IFT74: variants seen among roughly 807,000 people sequenced by gnomAD.
IFT74 encodes the protein intraflagellar transport 74, also known as intraflagellar transport protein 74 homolog.
A neutral mutation model predicts 96.7 loss-of-function variants in IFT74; 92 were observed. The ratio of observed to expected loss-of-function variants is 0.95; its 90% CI spans 0.80 to 1.13. The LOEUF (loss-of-function observed/expected upper bound fraction) is 1.13, where lower values mean the gene tolerates loss of function less well. IFT74 is among the 50% of genes most tolerant of loss of function. IFT74 has a pLI of 0.00. For synonymous variants in IFT74, 223 were observed against 213.2 expected (o/e 1.05, Z -0.40); for missense variants, 811 against 698.2 (o/e 1.16, Z -1.82).
intron 12 of IFT74, among the ~76,000 whole-genome samples, chr9:27,025,443 CAAAAAAAAAAAA>C (rs57335230): frequency 1.3e-5 from 1 of 77,722 alleles, no homozygotes; most frequent in African/African-American, 5.2e-5. Context: ...ACTCCATCTC[CAAAAAAAAAAAA>C]AAAAAAAAGA....
Position 26,990,118 on chromosome 9 carries a change from T to TGTTAAC in IFT74, c.526-15_526-10dup. 6.8e-7 allele frequency: 1 copy of TGTTAAC among 1,466,790 alleles called. No individual in the cohort carries two copies. Among genetic ancestry groups the TGTTAAC allele is most frequent in the East Asian group, 2.5e-5 (1 of 39,374 alleles). 90.9% of individuals were successfully genotyped at this position (1,466,790 alleles called of 1,614,324 possible). ...AATATTTATTTCTTACTAACTTATG[T>TGTTAAC]GTTAACTTTATTCAGCTTAAAGCTC... On this transcript the variant is annotated splice_polypyrimidine_tract_variant and intron_variant, in intron 7 of 19. Transcript: ENST00000380062.
intron 12 of IFT74, chr9:27,028,758 G>GA (rs536025708): frequency 0.034 from 6,037 of 179,176 alleles, 6 homozygotes; most frequent in Middle Eastern, 0.063. Flanking sequence ...CCGTCTCAAA[G>GA]AAAAAAAAAA....
chr9:27,045,591 G>A (rs1052111868), intron 14 of IFT74, among the ~76,000 whole-genome samples: 3 of 151,920 alleles, frequency 2.0e-5, no homozygotes, highest in Admixed American at 2.0e-4. Flanking sequence ...ATCTCAGCCT[G>A]ATTTTATAAA....
chr9:27,006,254 T>C (rs1375033883), intron 8 of IFT74, among the ~76,000 whole-genome samples: 1 of 152,200 alleles, frequency 6.6e-6, no homozygotes, highest in African/African-American at 2.4e-5. Flanking sequence ...AAAGATATAC[T>C]GTTGCTAAAT....
chr9:27,056,415 G>C lies in IFT74; in HGVS notation c.1579G>C (p.Glu527Gln). 6.2e-7 allele frequency: 1 copy of C among 1,601,938 alleles called. No individual in the cohort carries two copies. Among genetic ancestry groups the C allele is most frequent in the Non-Finnish European group, 8.5e-7 (1 of 1,174,808 alleles). Residue 527 changes from glutamate to glutamine, a missense_variant, in exon 18 of 20, where the codon GAG (glutamate) becomes CAG (glutamine). Coordinates refer to ENST00000380062, the MANE Select transcript of IFT74 (RefSeq NM_025103.4). ...AATGGAGAAGCAAAACATAGAGTAT[G>C]AGGCACTAAAAACACAATTGCAAGA... ...KIMEKQNIEY[E>Q]ALKTQLQENE...
chr9:26,995,768 A>C (rs140151163), intron 8 of IFT74: 138 of 1,613,762 alleles, frequency 8.6e-5, no homozygotes, highest in Non-Finnish European at 1.4e-5. Context: ...TTTGATAGCA[A>C]TAAAAATGAG....
chr9:26,961,551 T>G (rs1249036472), intron 1 of IFT74, among the ~76,000 whole-genome samples: 1 of 152,084 alleles, frequency 6.6e-6, no homozygotes, highest in East Asian at 1.9e-4. Flanking sequence ...CTGTTAAAGT[T>G]AAGAAAATAG....
At chr9:27,011,405 T>C (rs1346137426) in intron 9 of IFT74, among the ~76,000 whole-genome samples, 1 of 152,216 alleles carries the variant, frequency 6.6e-6, no homozygotes, top group Non-Finnish European at 1.5e-5. Flanking sequence ...TATGTGTACA[T>C]GTGAACCATA....
chr9:26,992,469 G>A (rs1280332750), intron 8 of IFT74, among the ~76,000 whole-genome samples: 3 of 152,072 alleles, frequency 2.0e-5, no homozygotes, highest in African/African-American at 7.2e-5. Flanking sequence ...GAAGTGGGTG[G>A]ATCACCTGAG....
chr9:26,962,339 G>GT (rs1338470130), intron 2 of IFT74, among the ~76,000 whole-genome samples: 1 of 152,096 alleles, frequency 6.6e-6, no homozygotes, highest in Non-Finnish European at 1.5e-5. Flanking sequence ...TGTTTGTTTT[G>GT]TTTTTTGGAA....
At chr9:26,963,944 C>G (rs1232636520) in intron 2 of IFT74, among the ~76,000 whole-genome samples, 1 of 151,932 alleles carries the variant, frequency 6.6e-6, no homozygotes, top group Non-Finnish European at 1.5e-5. Flanking sequence ...GTTTCTTTTG[C>G]TGTGCAGAAG....
rs1057260129 is a variant in IFT74, at chr9:26,947,902, C to A, written c.-20+756C>A. ...GAGCTGAGATACGTATTTTTAACAA[C>A]CCCGCCGCCCACCCACCCGTGGTGC... On this transcript the variant is annotated intron_variant, in intron 1 of 19. Coordinates refer to the IFT74 transcript ENST00000433700. Among the ~76,000 whole-genome samples, 6 of 152,110 alleles carry A rather than the reference C, an allele frequency of 3.9e-5. No individual in the cohort carries two copies. In the East Asian group the frequency reaches 9.7e-4, roughly 24 times the overall value.
At chr9:27,013,898 T>G (rs1030803854) in intron 10 of IFT74, among the ~76,000 whole-genome samples, 2 of 152,288 alleles carry the variant, frequency 1.3e-5, no homozygotes, top group South Asian at 4.1e-4. Flanking sequence ...AATTTGCTAT[T>G]GAAAAAGTTA....
chr9:27,036,790 T>C (rs1266992332), intron 13 of IFT74: 1 of 1,116,224 alleles, frequency 9.0e-7, no homozygotes, highest in Non-Finnish European at 1.1e-6. Context: ...AATTCTTAGA[T>C]CTTTTGAAAA....
chr9:27,026,601 G>A (rs1829870230), intron 12 of IFT74, among the ~76,000 whole-genome samples: 1 of 152,054 alleles, frequency 6.6e-6, no homozygotes, highest in South Asian at 2.1e-4. Flanking sequence ...ATAAATTTAA[G>A]AAAATCAAAA....
At chr9:26,990,783 G>A (rs1479973932) in intron 8 of IFT74, among the ~76,000 whole-genome samples, 3 of 152,160 alleles carry the variant, frequency 2.0e-5, no homozygotes, top group African/African-American at 7.2e-5. Flanking sequence ...AGTTGTTTGG[G>A]ATGGGTCCAT....
At chr9:27,040,961 G>T (rs1040838132) in intron 13 of IFT74, among the ~76,000 whole-genome samples, 1 of 152,102 alleles carries the variant, frequency 6.6e-6, no homozygotes, top group South Asian at 2.1e-4. Context: ...AGGTAGTTTT[G>T]GTGGTGCTCA....
intron 13 of IFT74, among the ~76,000 whole-genome samples, chr9:27,032,845 C>T (rs1830186579): frequency 6.7e-6 from 1 of 149,252 alleles, no homozygotes; most frequent in Non-Finnish European, 1.5e-5. Flanking sequence ...CAGCCTTGGG[C>T]GACAGAGCAA....
intron 10 of IFT74, among the ~76,000 whole-genome samples, chr9:27,013,710 T>C (rs2131611591): frequency 6.6e-6 from 1 of 152,350 alleles, no homozygotes; most frequent in East Asian, 1.9e-4. Context: ...GAACTCCTTT[T>C]TCATATTTTT....
Sources: gnomAD v4.1 joint callset for allele counts (sites outside exome capture counted in the v4.1 genomes callset) on GRCh38, gnomAD v4.1.1 for gene constraint, MANE v1.5 for transcripts, NCBI Gene and HGNC (gene_info 2026-07-23, HGNC 2026-07-21) for gene names.